Variants in AGBL4 observed in about 807,000 individuals in gnomAD.
The protein encoded by AGBL4 is AGBL carboxypeptidase 4.
AGBL4 carries 58 observed loss-of-function variants against 66.4 expected under a neutral mutation model. The ratio of observed to expected loss-of-function variants is 0.87; its 90% confidence interval spans 0.71 to 1.09. AGBL4 has a LOEUF of 1.09. Ranked by LOEUF, AGBL4 falls within the 50% of genes least tolerant of loss-of-function variation. The pLI, the probability that AGBL4 is intolerant of heterozygous loss-of-function variation, is 0.00. For synonymous variants in AGBL4, 234 were observed against 222.9 expected (o/e 1.05, Z -0.44); for missense variants, 579 against 631.0 (o/e 0.92, Z 0.88).
intron 4 of AGBL4, among the ~76,000 whole-genome samples, chr1:49,192,050 C>T (rs1326774485): frequency 2.6e-5 from 4 of 152,102 alleles, no homozygotes; most frequent in Admixed American, 6.5e-5. Context: ...TGCACAATTG[C>T]TGTCCTAATT....
chr1:49,341,682 G>T (rs1460642877), intron 3 of AGBL4, among the ~76,000 whole-genome samples: 1 of 152,176 alleles, frequency 6.6e-6, no homozygotes, highest in African/African-American at 2.4e-5. Context: ...GCGTGTGCAG[G>T]ATCATAGGAC....
intron 8 of AGBL4, among the ~76,000 whole-genome samples, chr1:48,639,435 G>T (rs965170391): frequency 7.9e-5 from 12 of 152,096 alleles, no homozygotes; most frequent in African/African-American, 2.9e-4. Flanking sequence ...AGGCTCAATG[G>T]ACTTATTTGT....
chr1:48,863,191 C>T (rs1348414589), intron 6 of AGBL4, among the ~76,000 whole-genome samples: 5 of 151,984 alleles, frequency 3.3e-5, no homozygotes, highest in East Asian at 1.9e-4. Flanking sequence ...GCTAGAAAGT[C>T]GCAGTAACTG....
rs116452943 is a variant in AGBL4 at position 49,017,467 on chromosome 1, G to A, written c.594+28117C>T. 5.4e-3 allele frequency among the ~76,000 whole-genome samples: 829 copies of A among 152,186 alleles called. 7 individuals carry two copies. The highest frequency in any genetic ancestry group is 0.019 in the African/African-American group (784 of 41,518). On this transcript the variant is annotated intron_variant, in intron 5 of 13. Transcript: ENST00000371839. Reference sequence around the variant, plus strand: ...TTAACTTCAGATTCCTATTTCTAACGTGGCATAATATCATCTAATGGAGAT... The same window carrying A: ...TTAACTTCAGATTCCTATTTCTAACATGGCATAATATCATCTAATGGAGAT...
intron 2 of AGBL4, among the ~76,000 whole-genome samples, chr1:49,809,795 A>G (rs540285709): frequency 1.3e-5 from 2 of 152,328 alleles, no homozygotes; most frequent in Admixed American, 6.5e-5. Context: ...GCTGTAAACA[A>G]TCAAGGCTTC....
chr1:49,072,130 T>C (rs990741598), intron 4 of AGBL4, among the ~76,000 whole-genome samples: 9 of 152,220 alleles, frequency 5.9e-5, no homozygotes, highest in African/African-American at 2.2e-4. Context: ...TTTGAGCCTG[T>C]GTGTGTCTTT....
chr1:50,012,076 G>A (rs926002144), intron 1 of AGBL4, among the ~76,000 whole-genome samples: 6 of 151,720 alleles, frequency 4.0e-5, no homozygotes, highest in East Asian at 1.9e-4. Flanking sequence ...GGAGAATGGC[G>A]TGAACCTGGG....
chr1:48,776,913 A>T, intron 6 of AGBL4: 2 of 387,622 alleles, frequency 5.2e-6, no homozygotes, highest in Non-Finnish European at 8.8e-6. Flanking sequence ...GGGGGGCGCG[A>T]GTCTCGCTAC....
At chr1:49,301,129 T>C (rs1445226724) in intron 3 of AGBL4, among the ~76,000 whole-genome samples, 1 of 152,216 alleles carries the variant, frequency 6.6e-6, no homozygotes, top group Non-Finnish European at 1.5e-5. Context: ...TTGGTATGCA[T>C]TGTGAAGCAG....
chr1:49,734,370 C>G (rs894632759), intron 2 of AGBL4, among the ~76,000 whole-genome samples: 1 of 151,920 alleles, frequency 6.6e-6, no homozygotes, highest in Non-Finnish European at 1.5e-5. Flanking sequence ...TTCCTATTCA[C>G]AGATGATGTG....
intron 6 of AGBL4, among the ~76,000 whole-genome samples, chr1:48,686,152 C>A (rs1646527685): frequency 6.6e-6 from 1 of 152,174 alleles, no homozygotes; most frequent in Non-Finnish European, 1.5e-5. Flanking sequence ...AATAACACAG[C>A]CAGGATCTAC....
At chr1:49,364,482 T>C (rs2148541641) in intron 3 of AGBL4, among the ~76,000 whole-genome samples, 1 of 152,250 alleles carries the variant, frequency 6.6e-6, no homozygotes, top group East Asian at 1.9e-4. Flanking sequence ...AGAGTAGTTT[T>C]TTTTTTTCTT....
At chr1:49,740,502 G>T (rs1372069934) in intron 2 of AGBL4, among the ~76,000 whole-genome samples, 1 of 152,020 alleles carries the variant, frequency 6.6e-6, no homozygotes, top group Non-Finnish European at 1.5e-5. Flanking sequence ...GAGACAAAAA[G>T]TTAACAAGGA....
intron 4 of AGBL4, among the ~76,000 whole-genome samples, chr1:49,179,144 A>C (rs1646883064): frequency 6.6e-6 from 1 of 152,140 alleles, no homozygotes; most frequent in Non-Finnish European, 1.5e-5. Context: ...ACAGATTTTC[A>C]TTTTCCAAGA....
chr1:49,515,041 T>A (rs1649653737), intron 3 of AGBL4, among the ~76,000 whole-genome samples: 1 of 152,044 alleles, frequency 6.6e-6, no homozygotes, highest in Non-Finnish European at 1.5e-5. Context: ...ACAAATGGGA[T>A]CTAATTAAAC....
intron 6 of AGBL4, among the ~76,000 whole-genome samples, chr1:48,665,629 C>T (rs1282764702): frequency 6.6e-6 from 1 of 152,150 alleles, no homozygotes; most frequent in African/African-American, 2.4e-5. Context: ...TTTCACTACC[C>T]TGTTTCATTC....
chr1:49,621,243 T>C (rs1244769587), intron 3 of AGBL4, among the ~76,000 whole-genome samples: 1 of 152,200 alleles, frequency 6.6e-6, no homozygotes, highest in Non-Finnish European at 1.5e-5. Context: ...AGTTTGGCCA[T>C]GAGAGTACAC....
intron 4 of AGBL4, among the ~76,000 whole-genome samples, chr1:49,179,911 T>A (rs920553040): frequency 6.6e-6 from 1 of 151,824 alleles, no homozygotes; most frequent in Non-Finnish European, 1.5e-5. Flanking sequence ...ATTTTTTTTT[T>A]ATTTTTTGAG....
chr1:49,496,341 G>A lies in AGBL4; in HGVS notation c.282+200972C>T, dbSNP rs188817887. 2.5e-3 allele frequency among the ~76,000 whole-genome samples: 385 copies of A among 152,000 alleles called. 1 individual carries two copies. The highest frequency in any genetic ancestry group is 8.8e-3 in the African/African-American group (366 of 41,480). ...ATACATTGTGGAATGGCTAAAGTGA[G>A]CTAATTAACATACAAAGCCTCACGT... On this transcript the variant is annotated intron_variant, in intron 3 of 13. Transcript: ENST00000371839.
Sources: allele counts gnomAD v4.1 joint callset (sites outside exome capture counted in the v4.1 genomes callset), GRCh38; gene constraint gnomAD v4.1.1; transcripts MANE v1.5; gene names NCBI Gene and HGNC (gene_info 2026-07-23, HGNC 2026-07-21).